MBOAT2: variants seen among roughly 807,000 people sequenced by gnomAD.
MBOAT2 encodes the protein membrane bound glycerophospholipid O-acyltransferase 2, also known as membrane-bound glycerophospholipid O-acyltransferase 2.
A neutral mutation model predicts 63.4 loss-of-function variants in MBOAT2; 28 were observed. The ratio of observed to expected loss-of-function variants is 0.44; its 90% CI spans 0.33 to 0.61. MBOAT2 has a LOEUF of 0.61. Ranked by LOEUF, MBOAT2 falls within the 20% of genes least tolerant of loss-of-function variation. MBOAT2 has a pLI of 0.03. For missense variants in MBOAT2, 470 were observed against 605.8 expected (o/e 0.78, Z 2.35); for synonymous variants, 211 against 215.6 (o/e 0.98, Z 0.19).
chr2:8,978,880 AG>A (rs1357094541), intron 1 of MBOAT2, among the ~76,000 whole-genome samples: 2 of 151,972 alleles, frequency 1.3e-5, no homozygotes, highest in Non-Finnish European at 2.9e-5. Flanking sequence ...GGGGGGAGGC[AG>A]GGGTCTATTT....
chr2:8,984,411 A>G (rs1671411177), intron 1 of MBOAT2, among the ~76,000 whole-genome samples: 1 of 152,216 alleles, frequency 6.6e-6, no homozygotes, highest in African/African-American at 2.4e-5. Context: ...ATACATACAT[A>G]CGTTTGTGGT....
At chr2:8,959,554 C>T (rs1339159287) in intron 1 of MBOAT2, among the ~76,000 whole-genome samples, 5 of 151,800 alleles carry the variant, frequency 3.3e-5, no homozygotes, top group African/African-American at 7.3e-5. Context: ...CTCTACCTCC[C>T]GGGCTCGGGC....
chr2:8,972,030 A>G (rs1490073931), intron 1 of MBOAT2, among the ~76,000 whole-genome samples: 1 of 152,320 alleles, frequency 6.6e-6, no homozygotes, highest in South Asian at 2.1e-4. Context: ...TAAAGTTCAT[A>G]TGGAACCAAA....
intron 3 of MBOAT2, among the ~76,000 whole-genome samples, chr2:8,912,464 T>G (rs1006276451): frequency 6.6e-6 from 1 of 152,110 alleles, no homozygotes; most frequent in Admixed American, 6.5e-5. Flanking sequence ...AGAAAGTTCC[T>G]ATAACTTATT....
chr2:8,983,649 A>G (rs1232809248), intron 1 of MBOAT2, among the ~76,000 whole-genome samples: 2 of 152,160 alleles, frequency 1.3e-5, no homozygotes, highest in African/African-American at 4.8e-5. Context: ...TGATGTGATA[A>G]CTGGTAAAAC....
intron 1 of MBOAT2, among the ~76,000 whole-genome samples, chr2:8,996,505 G>C (rs1383138026): frequency 6.6e-6 from 1 of 152,170 alleles, no homozygotes; most frequent in Non-Finnish European, 1.5e-5. Flanking sequence ...GTAGACCCCA[G>C]CAGGAGATGA....
At chr2:8,918,128 T>C (rs1171725428) in intron 3 of MBOAT2, among the ~76,000 whole-genome samples, 1 of 152,218 alleles carries the variant, frequency 6.6e-6, no homozygotes, top group Non-Finnish European at 1.5e-5. Context: ...GTGCTATATC[T>C]AGATTTAGGG....
intron 3 of MBOAT2, among the ~76,000 whole-genome samples, chr2:8,935,533 A>G (rs1667598844): frequency 6.6e-6 from 1 of 152,190 alleles, no homozygotes; most frequent in Non-Finnish European, 1.5e-5. Context: ...CATAATCAGG[A>G]GAGAGGGAAA....
chr2:8,972,234 CT>C (rs1670507874), intron 1 of MBOAT2, among the ~76,000 whole-genome samples: 1 of 152,166 alleles, frequency 6.6e-6, no homozygotes, highest in African/African-American at 2.4e-5. Flanking sequence ...ACCATCTGAT[CT>C]TTGACAAACC....
chr2:8,913,862 T>G (rs1002667619), intron 3 of MBOAT2, among the ~76,000 whole-genome samples: 1 of 152,238 alleles, frequency 6.6e-6, no homozygotes, highest in Non-Finnish European at 1.5e-5. Flanking sequence ...TTGAAAAAGA[T>G]ACTTGCACAT....
At chr2:8,928,671 A>T (rs2103195280) in intron 3 of MBOAT2, among the ~76,000 whole-genome samples, 1 of 148,790 alleles carries the variant, frequency 6.7e-6, no homozygotes, top group East Asian at 2.0e-4. Flanking sequence ...TTTCCAAAAC[A>T]AAAAAAAAAT....
chr2:8,932,011 T>C (rs1371455388), intron 3 of MBOAT2, among the ~76,000 whole-genome samples: 2 of 152,166 alleles, frequency 1.3e-5, no homozygotes, highest in African/African-American at 2.4e-5. Flanking sequence ...CCACGCTCAA[T>C]TGTTCTAATA....
At chr2:8,965,092 A>G (rs1401960988) in intron 1 of MBOAT2, among the ~76,000 whole-genome samples, 1 of 152,176 alleles carries the variant, frequency 6.6e-6, no homozygotes, top group Non-Finnish European at 1.5e-5. Context: ...TTTTTGCAGT[A>G]TACATACAAC....
chr2:8,923,890 A>T (rs747737095), intron 3 of MBOAT2, among the ~76,000 whole-genome samples: 1 of 152,280 alleles, frequency 6.6e-6, no homozygotes. Flanking sequence ...TGACCCCTTC[A>T]CTATTCAATA....
At chr2:8,933,759 C>G (rs894805682) in intron 3 of MBOAT2, among the ~76,000 whole-genome samples, 1 of 152,140 alleles carries the variant, frequency 6.6e-6, no homozygotes, top group African/African-American at 2.4e-5. Flanking sequence ...TCTTTTTACT[C>G]TAATAGGTTC....
Position 8,941,202 on chromosome 2 carries a change from CCTG to C in MBOAT2, c.299+1982_299+1984del, listed in dbSNP as rs1216524577. Among the ~76,000 whole-genome samples the C allele has an allele frequency of 3.9e-5, 6 of 152,234 alleles. No individual in the cohort carries two copies. In the East Asian group the frequency reaches 1.2e-3, roughly 29 times the overall value. ...ATGTACTTTTCAAATTAATTATCCA[CCTG>C]CTATTTACTGCCAATCCTAGCAATT... On this transcript the variant is annotated intron_variant, in intron 3 of 12. Transcript: ENST00000305997.
At chr2:8,989,070 A>G (rs1288184419) in intron 1 of MBOAT2, among the ~76,000 whole-genome samples, 2 of 152,212 alleles carry the variant, frequency 1.3e-5, no homozygotes, top group African/African-American at 4.8e-5. Flanking sequence ...GATCGTTTTC[A>G]GGAGTTGAAG....
intron 1 of MBOAT2, among the ~76,000 whole-genome samples, chr2:8,976,794 T>C (rs1219987514): frequency 6.6e-6 from 1 of 152,160 alleles, no homozygotes; most frequent in Non-Finnish European, 1.5e-5. Flanking sequence ...TCTAACTTCA[T>C]AATGACTGCA....
At chr2:8,966,257 C>A (rs1378448020) in intron 1 of MBOAT2, among the ~76,000 whole-genome samples, 2 of 152,122 alleles carry the variant, frequency 1.3e-5, no homozygotes, top group East Asian at 3.9e-4. Context: ...TAGTCACTGG[C>A]CCCATGTGGC....
Sources: allele counts gnomAD v4.1 joint callset (sites outside exome capture counted in the v4.1 genomes callset), GRCh38; gene constraint gnomAD v4.1.1; transcripts MANE v1.5; gene names NCBI Gene and HGNC (gene_info 2026-07-23, HGNC 2026-07-21).